Variants in IARS1 observed in about 807,000 individuals in gnomAD.
IARS1 encodes isoleucyl-tRNA synthetase 1, also known as isoleucine--tRNA ligase, cytoplasmic.
In IARS1, 124 loss-of-function variants were observed where a neutral mutation model predicts 168.2. That is an observed-to-expected ratio of 0.74 (90% CI 0.64 to 0.86). The LOEUF is 0.86. IARS1 is among the 40% of genes least tolerant of loss of function. The pLI is 0.00. For missense variants in IARS1, 1,452 were observed against 1,515.8 expected, an observed-to-expected ratio of 0.96 and a Z score of 0.70; for synonymous variants, 532 against 529.4, an observed-to-expected ratio of 1.00 and a Z score of -0.07.
At chr9:92,222,133 C>T (rs902785611) in intron 33 of IARS1, among the ~76,000 whole-genome samples, 1 of 151,430 alleles carries the variant, frequency 6.6e-6, no homozygotes, top group Non-Finnish European at 1.5e-5. Context: ...GCCTGGCCAA[C>T]ATGGTGAAAC....
chr9:92,211,588 G>A (rs901959755), intron 33 of IARS1, among the ~76,000 whole-genome samples: 10 of 152,146 alleles, frequency 6.6e-5, no homozygotes, highest in Admixed American at 5.9e-4. Flanking sequence ...ATATCGGGCA[G>A]ACTCCTGGAG....
rs763167401 is a variant in IARS1, at chr9:92,249,915, G to T, written c.2559C>A (p.Ile853=). 3.1e-5 allele frequency: 50 copies of T among 1,605,478 alleles called. No homozygotes were observed. The highest frequency in any genetic ancestry group is 4.2e-5 in the Non-Finnish European group (49 of 1,172,682). The change falls in exon 25 of 34, where the codon ATC becomes ATA. Residue 853 remains isoleucine, a synonymous_variant. Transcript: ENST00000443024. The stretch of plus-strand genomic sequence containing the variant: ...CTTTAAGAGCTTCTGGATCTTGATG[G>T]ATAACCACAATTTCTTTCAAAGGAT... ...IKYPLKEIVV[I]HQDPEALKDI...
intron 10 of IARS1, among the ~76,000 whole-genome samples, chr9:92,272,621 G>A (rs1833216617): frequency 2.0e-5 from 3 of 152,146 alleles, no homozygotes; most frequent in South Asian, 2.1e-4. Context: ...AGGCCAAGGC[G>A]GTCAGATCAC....
chr9:92,290,920 A>T (rs1836218071), intron 1 of IARS1, among the ~76,000 whole-genome samples: 1 of 152,172 alleles, frequency 6.6e-6, no homozygotes, highest in Non-Finnish European at 1.5e-5. Context: ...AAAAATCTTA[A>T]AGCTAAAAAG....
chr9:92,274,099 C>T (rs1301184193), intron 10 of IARS1, among the ~76,000 whole-genome samples: 1 of 151,940 alleles, frequency 6.6e-6, no homozygotes, highest in African/African-American at 2.4e-5. Context: ...TCAGATTCCC[C>T]CTTCTGAACA....
At chr9:92,222,356 A>AG (rs1839792606) in intron 33 of IARS1, among the ~76,000 whole-genome samples, 164 bp downstream of exon 33, 1 of 151,066 alleles carries the variant, frequency 6.6e-6, no homozygotes, top group African/African-American at 2.4e-5. Context: ...AAAAAAAAAA[A>AG]AAAAAAAAAG....
intron 30 of IARS1, among the ~76,000 whole-genome samples, chr9:92,238,180 A>C (rs954690822): frequency 6.6e-6 from 1 of 152,208 alleles, no homozygotes; most frequent in Non-Finnish European, 1.5e-5. Context: ...TTGGGATTAC[A>C]GGCGTGAGCC....
chr9:92,272,722 G>T (rs1300672097), intron 10 of IARS1, among the ~76,000 whole-genome samples: 1 of 152,086 alleles, frequency 6.6e-6, no homozygotes, highest in Admixed American at 6.6e-5. Context: ...ATGGTGGCAG[G>T]TGCCTATAAT....
chr9:92,213,389 A>G (rs1399437851), intron 33 of IARS1, among the ~76,000 whole-genome samples: 1 of 152,214 alleles, frequency 6.6e-6, no homozygotes, highest in African/African-American at 2.4e-5. Flanking sequence ...AGAGAATGTA[A>G]TCGGTTAATA....
intron 18 of IARS1, 97 bp from the exon 19 acceptor site, chr9:92,259,095 T>TG: frequency 9.0e-7 from 1 of 1,110,902 alleles, no homozygotes; most frequent in Non-Finnish European, 1.3e-6. Flanking sequence ...AAATCAGTCC[T>TG]ATTTTCTACA....
chr9:92,265,545 G>T lies in IARS1; in HGVS notation c.1440C>A (p.Cys480Ter), dbSNP rs1587838540. Residue 480 changes from cysteine (C) to a stop codon, truncating the protein, a stop_gained, in exon 15 of 34, where the codon TGC becomes TGA. Transcript: ENST00000443024. LOFTEE classifies it high-confidence loss of function. ...CTTCAAGTTCCGCCACTGACCCAATGCATACCACCTGTCAAAAACAAAGTT... is the reference window on the plus strand; with the variant it reads ...CTTCAAGTTCCGCCACTGACCCAATTCATACCACCTGTCAAAAACAAAGTT... The part of the protein sequence containing the change: ...WVSDDFEEVV[C>*]IGSVAELEEL... The T allele has an allele frequency of 6.2e-7, 1 of 1,613,656 alleles. No individual in the cohort carries two copies. The highest frequency in any genetic ancestry group is 1.3e-5 in the African/African-American group (1 of 74,908).
intron 16 of IARS1, among the ~76,000 whole-genome samples, chr9:92,264,551 A>G (rs1176733229): frequency 6.6e-6 from 1 of 152,154 alleles, no homozygotes; most frequent in Non-Finnish European, 1.5e-5. Context: ...GCACATTACC[A>G]ACTATCCCTC....
intron 5 of IARS1, among the ~76,000 whole-genome samples, 161 bp downstream of exon 5, chr9:92,286,366 CAAAAAAATA>C (rs1444214875): frequency 6.6e-6 from 1 of 151,948 alleles, no homozygotes; most frequent in Non-Finnish European, 1.5e-5. Context: ...GACTCAGTCT[CAAAAAAATA>C]AAAATAAAAG....
At chr9:92,251,940 TAAA>T (rs1198249950) in intron 21 of IARS1, 55 bp from the exon 22 acceptor site, 1 of 1,249,386 alleles carries the variant, frequency 8.0e-7, no homozygotes, top group Non-Finnish European at 1.2e-6. Flanking sequence ...TGTTTATCAT[TAAA>T]AAAATAAGTT....
chr9:92,220,920 A>C (rs1033952924), intron 33 of IARS1, among the ~76,000 whole-genome samples: 1 of 151,996 alleles, frequency 6.6e-6, no homozygotes, highest in African/African-American at 2.4e-5. Context: ...GCTGTGATTG[A>C]GCCACTGCAC....
intron 30 of IARS1, among the ~76,000 whole-genome samples, chr9:92,233,780 G>A (rs955398214): frequency 2.0e-5 from 3 of 151,986 alleles, no homozygotes; most frequent in African/African-American, 7.2e-5. Context: ...TATTTTTTTG[G>A]AGACAAGGTC....
chr9:92,264,150 C>T (rs1181057089), intron 16 of IARS1, among the ~76,000 whole-genome samples: 5 of 152,180 alleles, frequency 3.3e-5, no homozygotes, highest in African/African-American at 1.2e-4. Context: ...GCCTGGCCAA[C>T]ATGGTGAAAC....
intron 30 of IARS1, among the ~76,000 whole-genome samples, chr9:92,240,090 G>A (rs116061003): frequency 1.3e-5 from 2 of 152,044 alleles, no homozygotes; most frequent in African/African-American, 4.8e-5. Flanking sequence ...TGGTTACAAG[G>A]TCCTTAGGTG....
intron 7 of IARS1, 119 bp from the exon 8 acceptor site, chr9:92,278,405 C>T (rs1258434152): frequency 2.1e-5 from 15 of 708,132 alleles, no homozygotes; most frequent in Non-Finnish European, 3.3e-5. Flanking sequence ...CTCTACTGTA[C>T]CCAGTACTCA....
Sources: gnomAD v4.1 joint callset for allele counts (sites outside exome capture counted in the v4.1 genomes callset) on GRCh38, gnomAD v4.1.1 for gene constraint, MANE v1.5 for transcripts, NCBI Gene and HGNC (gene_info 2026-07-23, HGNC 2026-07-21) for gene names.